The following DGKA variants were observed in gnomAD, a reference collection of about 807,000 sequenced individuals.
DGKA encodes the protein diacylglycerol kinase alpha, also known as 80 kDa diacylglycerol kinase.
A neutral mutation model predicts 105.0 loss-of-function variants in DGKA; 35 were observed. The observed-to-expected ratio is 0.33, with a 90% CI of 0.25 to 0.44. The LOEUF (loss-of-function observed/expected upper bound fraction) is 0.44, where lower values mean the gene tolerates loss of function less well. Ranked by LOEUF, DGKA falls within the 20% of genes least tolerant of loss-of-function variation. DGKA has a pLI of 1.00. For missense variants in DGKA, 665 were observed against 915.0 expected (o/e 0.73, Z 3.53); for synonymous variants, 296 against 332.0 (o/e 0.89, Z 1.18).
intron 21 of DGKA, 32 bp from the exon 22 acceptor site, chr12:55,953,008 A>C (rs1565767596): frequency 6.2e-7 from 1 of 1,614,136 alleles, no homozygotes; most frequent in Admixed American, 1.7e-5. Context: ...TACCCTGTTT[A>C]TGTAAAACTT....
chr12:55,928,624 C>T (rs993976268), upstream of DGKA, among the ~76,000 whole-genome samples: 42 of 124,836 alleles, frequency 3.4e-4, no homozygotes, highest in African/African-American at 1.2e-3. Context: ...TTGCAGTGAG[C>T]CAAGATCGCT....
chr12:55,948,442 A>C (rs1471155968), intron 17 of DGKA, among the ~76,000 whole-genome samples: 1 of 146,630 alleles, frequency 6.8e-6, no homozygotes, highest in African/African-American at 2.5e-5. Context: ...AAAACTATTC[A>C]AATAGCTGAA....
At chr12:55,947,939 G>A (rs1422311060) in intron 17 of DGKA, among the ~76,000 whole-genome samples, 3 of 151,982 alleles carry the variant, frequency 2.0e-5, no homozygotes, top group Non-Finnish European at 2.9e-5. Context: ...AAAGGCACGC[G>A]CCACCACGCC....
At position 55,936,956 on chromosome 12, in the gene DGKA, C is replaced by T. The variant is rs190781508; in HGVS notation, c.65-61C>T. 2.8e-3 allele frequency: 4,055 copies of T among 1,434,788 alleles called. 12 individuals are homozygous for T. The highest frequency in any genetic ancestry group is 3.4e-3 in the Non-Finnish European group (3,440 of 1,016,830). 88.9% of individuals were successfully genotyped at this position (1,434,788 alleles called of 1,614,324 possible). On this transcript the variant is annotated intron_variant, in intron 2 of 23. Transcript: ENST00000331886. Reference sequence around the variant, plus strand: ...TTGAATCTTTTTTCCTGCTGGATTTCTCTGGCAAGAGAACTCAGCTGGACT... The same window carrying T: ...TTGAATCTTTTTTCCTGCTGGATTTTTCTGGCAAGAGAACTCAGCTGGACT...
chr12:55,936,421 A>G lies in DGKA; in HGVS notation c.-81-2A>G. On this transcript the variant is annotated splice_acceptor_variant, in intron 1 of 23. Coordinates refer to ENST00000331886, the MANE Select transcript of DGKA (RefSeq NM_001345.5). LOFTEE classifies it low-confidence loss of function (5UTR_SPLICE). ...ACTGTACGCTCTGTCACCTTTCCCC[A>G]GGCCTACCCTCTGAAGAGGTCCAAG... 6.4e-7 allele frequency: 1 copy of G among 1,550,542 alleles called. No individual in the cohort carries two copies. The highest frequency in any genetic ancestry group is 8.7e-7 in the Non-Finnish European group (1 of 1,147,866).
rs952039878 is a variant in DGKA, at chr12:55,941,176, G to T, written c.1102-76G>T. 4 of 1,477,664 alleles carry T rather than the reference G, an allele frequency of 2.7e-6. No individual in the cohort carries two copies. The South Asian group carries it at 5.0e-5, about 19-fold the overall frequency. The allele number at this position is 1,477,664 out of a possible 1,614,324, so 91.5% of individuals were successfully genotyped here. Reference sequence around the variant, plus strand: ...TATCTTGGTGGAATGCTAGCCCTCTGCCCCTGTCTCCTGGGCCCACCTTAA... The same window carrying T: ...TATCTTGGTGGAATGCTAGCCCTCTTCCCCTGTCTCCTGGGCCCACCTTAA... On this transcript the variant is annotated intron_variant, in intron 13 of 23. Coordinates refer to ENST00000331886, the MANE Select transcript of DGKA (RefSeq NM_001345.5).
In DGKA at chr12:55,952,460, C is replaced by T; in HGVS notation, c.1743+29C>T. 2 of 1,601,770 alleles carry T rather than the reference C, an allele frequency of 1.2e-6. No homozygotes were observed. Among genetic ancestry groups the T allele is most frequent in the Non-Finnish European group, 1.7e-6 (2 of 1,168,814 alleles). Reference sequence around the variant, plus strand: ...TGTGTAATAAGACTTAACCCTACATCCTTTTCAGCTTCTTAATAGCCAAGT... The same window carrying T: ...TGTGTAATAAGACTTAACCCTACATTCTTTTCAGCTTCTTAATAGCCAAGT... On this transcript the variant is annotated intron_variant, in intron 20 of 23. Transcript: ENST00000331886. This position sits in a 1 kb window ranked among gnomAD's most constrained non-coding sequence, Gnocchi z 5.1.
upstream of DGKA, among the ~76,000 whole-genome samples, chr12:55,928,773 G>A (rs1192982861): frequency 1.3e-5 from 2 of 151,692 alleles, no homozygotes; most frequent in Non-Finnish European, 2.9e-5. Context: ...AGTTTTCTGG[G>A]GGCCGCAGCT....
intron 4 of DGKA, among the ~76,000 whole-genome samples, chr12:55,937,772 A>G (rs923582263): frequency 9.2e-5 from 14 of 152,048 alleles, no homozygotes; most frequent in Non-Finnish European, 1.9e-4. Context: ...CTGAGGTGGG[A>G]GGATTGCTTG....
intron 5 of DGKA, 128 bp from the exon 6 acceptor site, chr12:55,938,383 C>T (rs1885195127): frequency 8.4e-7 from 1 of 1,187,664 alleles, no homozygotes; most frequent in Admixed American, 2.0e-5. Flanking sequence ...CTCTCTCAGT[C>T]CCATCCCAGG....
rs1886160514 is a variant in DGKA at position 55,942,188 on chromosome 12, C to G, written c.1351C>G (p.Pro451Ala). The G allele has an allele frequency of 1.9e-6, 3 of 1,614,058 alleles. No individual in the cohort carries two copies. Among genetic ancestry groups the G allele is most frequent in the Admixed American group, 1.7e-5 (1 of 59,994 alleles). The change falls in exon 17 of 24, where the codon CCA becomes GCA. Residue 451 changes from proline to alanine, a missense_variant. Pro to Ala is a conservative substitution (Grantham distance 27, BLOSUM62 -1). Transcript: ENST00000331886. ...TGCCTCCGCAGACAAAGCTAACTTGCCAGTTTTGCCTCCTGTTGCTGTGTT... is the reference window on the plus strand; with the variant it reads ...TGCCTCCGCAGACAAAGCTAACTTGGCAGTTTTGCCTCCTGTTGCTGTGTT... ...ILETIDKANL[P>A]VLPPVAVLPL...
Position 55,939,549 on chromosome 12 carries a change from A to G in DGKA, c.709+20A>G. 6.2e-7 allele frequency: 1 copy of G among 1,611,448 alleles called. No homozygotes were observed. The highest frequency in any genetic ancestry group is 1.3e-5 in the African/African-American group (1 of 74,952). ...GTAACCGTGAGTAATGGGAGCTGGG[A>G]GGTAGGGGAAGAGGGTCAGCCCAGC... On this transcript the variant is annotated intron_variant, in intron 9 of 23. Transcript: ENST00000331886.
upstream of DGKA, chr12:55,929,127 T>C (rs1480828390): frequency 7.2e-5 from 11 of 152,292 alleles, no homozygotes; most frequent in African/African-American, 2.2e-4. Context: ...GCTTGTATTA[T>C]AGAGCAAGAC....
chr12:55,945,640 A>G (rs1353689416), intron 17 of DGKA, among the ~76,000 whole-genome samples: 1 of 152,014 alleles, frequency 6.6e-6, no homozygotes, highest in Non-Finnish European at 1.5e-5. Flanking sequence ...CCCCCTTCCA[A>G]CCAGTGGTCT....
chr12:55,941,563 T>C lies in DGKA; in HGVS notation c.1229T>C (p.Leu410Pro). The change falls in exon 15 of 24, where the codon CTA becomes CCA. Residue 410 changes from leucine to proline, a missense_variant. Physicochemically the swap from Leu to Pro is moderately conservative, Grantham distance 98 (BLOSUM62 -3). Around this residue, in one of 3 missense-constraint regions of DGKA, gnomAD observed 504 missense variants for 681.2 expected, o/e 0.74. Transcript: ENST00000331886. ...ILNPRQVFNL[L>P]KDGPEIGLRL... ...AACCCTCGACAGGTGTTCAACCTCC[T>C]AAAGGATGGTCCTGAGATAGGGTGA... 6.2e-7 allele frequency: 1 copy of C among 1,614,166 alleles called. No individual in the cohort carries two copies. The highest frequency in any genetic ancestry group is 8.5e-7 in the Non-Finnish European group (1 of 1,180,012).
intron 2 of DGKA, 93 bp from the exon 3 acceptor site, chr12:55,936,924 A>G (rs557244538): frequency 3.5e-5 from 40 of 1,129,104 alleles, no homozygotes; most frequent in Non-Finnish European, 4.7e-5. Context: ...GAATTTCTTC[A>G]TCTCATTTGA....
Position 55,953,167 on chromosome 12 carries a change from A to C in DGKA, c.2063+7A>C. On this transcript the variant is annotated splice_region_variant and intron_variant, in intron 22 of 23. Coordinates refer to ENST00000331886, the MANE Select transcript of DGKA (RefSeq NM_001345.5). ...GCTCTGAGATCACCTTCCAGTAAGG[A>C]AGACTCCACCAGGGTCCCTGAGGGA... The C allele has an allele frequency of 1.9e-6, 3 of 1,614,040 alleles. No individual in the cohort carries two copies. Among genetic ancestry groups the C allele is most frequent in the Non-Finnish European group, 2.5e-6 (3 of 1,180,016 alleles).
upstream of DGKA, chr12:55,927,360 C>G (rs1486943108): frequency 1.5e-5 from 11 of 725,958 alleles, no homozygotes; most frequent in Non-Finnish European, 2.5e-5. Flanking sequence ...CCTCAGGGAG[C>G]CAAGAGAAGT....
At position 55,940,157 on chromosome 12, in the gene DGKA, G is replaced by A. The variant is rs1191635567; in HGVS notation, c.785G>A (p.Arg262Gln). ...GAAGTCAGCACCTATGCCAAGTCTC[G>A]GAAGGACATTGGTGTGAGTGATCTC... Reference protein sequence around the residue: ...PCEVSTYAKSRKDIGVQSHVW... With the variant: ...PCEVSTYAKSQKDIGVQSHVW... The change falls in exon 10 of 24, where the codon CGG becomes CAG. Residue 262 changes from arginine (R) to glutamine (Q), a missense_variant. Transcript: ENST00000331886. The surrounding 1 kb of genome is among the most constrained non-coding windows in gnomAD (Gnocchi z 4.3). The A allele has an allele frequency of 1.2e-6, 2 of 1,614,074 alleles. No individual in the cohort carries two copies. The highest frequency in any genetic ancestry group is 1.7e-6 in the Non-Finnish European group (2 of 1,180,044).
Sources: gnomAD v4.1 joint callset for allele counts (sites outside exome capture counted in the v4.1 genomes callset) on GRCh38, gnomAD v4.1.1 for gene constraint, gnomAD v4.1.1 regional missense constraint, Gnocchi (gnomAD v3.1) non-coding constraint, MANE v1.5 for transcripts, NCBI Gene and HGNC (gene_info 2026-07-23, HGNC 2026-07-21) for gene names.